AK5: variants seen among roughly 807,000 people sequenced by gnomAD.
AK5 encodes adenylate kinase isoenzyme 5.
Under a neutral mutation model 69.5 loss-of-function variants are expected in AK5, and 27 were observed. That is an observed-to-expected ratio of 0.39 (90% CI 0.29 to 0.54). The LOEUF is 0.54. Among genes scored for constraint, AK5 ranks in the 20% least tolerant of loss-of-function variants. The pLI is 0.71. For synonymous variants in AK5, 260 were observed against 244.4 expected (o/e 1.06, Z -0.60); for missense variants, 531 against 700.4 (o/e 0.76, Z 2.73).
intron 12 of AK5, among the ~76,000 whole-genome samples, chr1:77,531,442 GAC>G (rs1386150072): frequency 6.6e-6 from 1 of 152,132 alleles, no homozygotes; most frequent in Non-Finnish European, 1.5e-5. Flanking sequence ...CCCTGAGCTA[GAC>G]ACAAGTTTTC....
chr1:77,379,874 C>G (rs991501409), intron 6 of AK5, among the ~76,000 whole-genome samples: 2 of 152,126 alleles, frequency 1.3e-5, no homozygotes, highest in Admixed American at 1.3e-4. Context: ...TTAACATATA[C>G]ATTTCGTAAA....
intron 6 of AK5, among the ~76,000 whole-genome samples, chr1:77,406,640 T>C (rs1289278147): frequency 6.7e-6 from 1 of 150,360 alleles, no homozygotes; most frequent in Admixed American, 6.7e-5. Context: ...ATGGAAAGTG[T>C]CAGTCATCCC....
At chr1:77,477,602 C>T (rs1431648639) in intron 8 of AK5, among the ~76,000 whole-genome samples, 1 of 152,130 alleles carries the variant, frequency 6.6e-6, no homozygotes, top group African/African-American at 2.4e-5. Context: ...GAAAAGACTG[C>T]TCCTTACATT....
chr1:77,349,303 AAAAC>A (rs1431273568), intron 6 of AK5: 4 of 152,198 alleles, frequency 2.6e-5, no homozygotes, highest in Non-Finnish European at 2.9e-5. Flanking sequence ...AAAAAACTAA[AAAAC>A]AAACAGAAAA....
At chr1:77,296,172 T>C (rs1311290829) in intron 3 of AK5, among the ~76,000 whole-genome samples, 2 of 152,152 alleles carry the variant, frequency 1.3e-5, no homozygotes, top group African/African-American at 2.4e-5. Context: ...AACCTAAAAA[T>C]GTGAGAGTGA....
At chr1:77,554,928 T>A (rs2100405090) in intron 13 of AK5, among the ~76,000 whole-genome samples, 1 of 152,190 alleles carries the variant, frequency 6.6e-6, no homozygotes, top group Admixed American at 6.5e-5. Context: ...TGCGGTTATT[T>A]TTGATGGAAC....
chr1:77,416,112 C>T (rs764894038), intron 7 of AK5, among the ~76,000 whole-genome samples: 32 of 151,854 alleles, frequency 2.1e-4, no homozygotes, highest in Admixed American at 1.3e-4. Flanking sequence ...TCAAACTGGG[C>T]TTTACGACGG....
At position 77,476,128 on chromosome 1, in the gene AK5, C is replaced by A. The variant is rs116655704; in HGVS notation, c.1060-7189C>A. Among the ~76,000 whole-genome samples, 361 of 152,092 alleles carry A rather than the reference C, an allele frequency of 2.4e-3. 3 individuals carry two copies. Among genetic ancestry groups the A allele is most frequent in the Non-Finnish European group, 2.8e-3 (189 of 68,024 alleles). On this transcript the variant is annotated intron_variant, in intron 8 of 13. Transcript: ENST00000354567. ...CTGGAAAAAGTTAGCCTAGCATCTA[C>A]CACATTTTTTTCAACTCTGTTTACT...
intron 6 of AK5, among the ~76,000 whole-genome samples, chr1:77,359,590 A>G (rs1646825386): frequency 6.6e-6 from 1 of 152,248 alleles, no homozygotes. Context: ...AAAGTAAAAC[A>G]TAACAGTAAA....
intron 10 of AK5, among the ~76,000 whole-genome samples, chr1:77,487,030 A>G (rs544794808): frequency 1.4e-4 from 21 of 152,336 alleles, no homozygotes; most frequent in Non-Finnish European, 2.6e-4. Flanking sequence ...AATATAGCTC[A>G]ATAGCCAGAT....
intron 5 of AK5, among the ~76,000 whole-genome samples, chr1:77,335,857 A>C (rs1869465): frequency 1.3e-5 from 2 of 151,898 alleles, no homozygotes; most frequent in African/African-American, 4.8e-5. Flanking sequence ...CTGGAGGCTA[A>C]GAAGTGCAAG....
intron 8 of AK5, among the ~76,000 whole-genome samples, chr1:77,483,075 T>A (rs924631483): frequency 1.0e-4 from 14 of 137,046 alleles, no homozygotes; most frequent in Middle Eastern, 4.4e-3. Flanking sequence ...GAAGAGAGCA[T>A]GTACTTGGGA....
At chr1:77,376,005 C>T (rs1044547336) in intron 6 of AK5, among the ~76,000 whole-genome samples, 3 of 152,180 alleles carry the variant, frequency 2.0e-5, no homozygotes, top group Non-Finnish European at 2.9e-5. Context: ...ACTATCAAGA[C>T]CTCGTTATTA....
At position 77,522,251 on chromosome 1, in the gene AK5, C is replaced by A. The variant is rs1329249472; in HGVS notation, c.1428+308C>A. On this transcript the variant is annotated intron_variant, in intron 12 of 13. Transcript: ENST00000354567. ...CATTTTCTTCCTGATCAAGGCTTACCTTCTACCATCTAAGTGGCTTCATAG... is the reference window on the plus strand; with the variant it reads ...CATTTTCTTCCTGATCAAGGCTTACATTCTACCATCTAAGTGGCTTCATAG... Among the ~76,000 whole-genome samples, 7 of 152,036 alleles carry A rather than the reference C, an allele frequency of 4.6e-5. No homozygotes were observed. The East Asian group carries it at 5.8e-4, about 13-fold the overall frequency.
chr1:77,481,835 A>G (rs1433302955), intron 8 of AK5, among the ~76,000 whole-genome samples: 1 of 152,230 alleles, frequency 6.6e-6, no homozygotes, highest in Non-Finnish European at 1.5e-5. Context: ...ATTTATGCCA[A>G]TTTACTCACT....
intron 8 of AK5, 111 bp downstream of exon 8, chr1:77,417,826 A>T (rs1650533129): frequency 1.6e-6 from 1 of 638,926 alleles, no homozygotes; most frequent in African/African-American, 1.8e-5. Flanking sequence ...ATATATACAG[A>T]TAACTAATAA....
chr1:77,305,205 C>T (rs559702368), intron 5 of AK5, among the ~76,000 whole-genome samples: 4 of 152,144 alleles, frequency 2.6e-5, no homozygotes, highest in East Asian at 3.9e-4. Flanking sequence ...GTTGTTTGCG[C>T]TCCTTGTATA....
chr1:77,556,990 CT>C (rs2100410089), intron 13 of AK5, among the ~76,000 whole-genome samples: 1 of 151,018 alleles, frequency 6.6e-6, no homozygotes, highest in East Asian at 1.9e-4. Context: ...TTTTTTTTTC[CT>C]TTTTTCGTTT....
chr1:77,377,746 G>A (rs577947262), intron 6 of AK5, among the ~76,000 whole-genome samples: 5 of 152,256 alleles, frequency 3.3e-5, no homozygotes, highest in South Asian at 4.2e-4. Context: ...TTCCTTAAGC[G>A]GGTGATATAG....
Sources: gnomAD v4.1 joint callset for allele counts (sites outside exome capture counted in the v4.1 genomes callset) on GRCh38, gnomAD v4.1.1 for gene constraint, MANE v1.5 for transcripts, NCBI Gene and HGNC (gene_info 2026-07-23, HGNC 2026-07-21) for gene names.